Variants in SHOC2 observed in about 807,000 individuals in gnomAD.
The protein encoded by SHOC2 is leucine-rich repeat protein SHOC-2.
SHOC2 carries 4 observed loss-of-function variants against 50.2 expected under a neutral mutation model. The observed-to-expected ratio is 0.08, with a 90% CI of 0.04 to 0.18. SHOC2 has a LOEUF of 0.18. Ranked by LOEUF, SHOC2 falls within the 10% of genes least tolerant of loss-of-function variation. SHOC2 has a pLI of 1.00. For synonymous variants in SHOC2, 218 were observed against 244.5 expected, an observed-to-expected ratio of 0.89 and a Z score of 1.01; for missense variants, 388 against 669.6, an observed-to-expected ratio of 0.58 and a Z score of 4.64.
intron 1 of SHOC2, among the ~76,000 whole-genome samples, chr10:110,925,286 C>CA (rs1290283062): frequency 6.6e-6 from 1 of 151,904 alleles, no homozygotes; most frequent in Non-Finnish European, 1.5e-5. Flanking sequence ...TTAGGTAAGT[C>CA]AGACTGTATG....
chr10:110,933,583 A>T (rs1846937281), intron 1 of SHOC2, among the ~76,000 whole-genome samples: 1 of 152,216 alleles, frequency 6.6e-6, no homozygotes, highest in African/African-American at 2.4e-5. Context: ...GAGGTGGTTG[A>T]ATTGTAGAAC....
intron 2 of SHOC2, among the ~76,000 whole-genome samples, chr10:110,980,221 G>GTCTC (rs1564720373): frequency 6.7e-6 from 1 of 148,998 alleles, no homozygotes; most frequent in Non-Finnish European, 1.5e-5. Flanking sequence ...CAGTGGCGCA[G>GTCTC]TCTCTGCTCA....
At chr10:110,937,157 T>A in intron 1 of SHOC2, 11 of 1,538,794 alleles carry the variant, frequency 7.1e-6, no homozygotes, top group Non-Finnish European at 9.0e-6. Context: ...CAGCAGTACC[T>A]GTTTAGCCAC....
At chr10:110,926,341 C>G (rs539533014) in intron 1 of SHOC2, among the ~76,000 whole-genome samples, 3 of 152,266 alleles carry the variant, frequency 2.0e-5, no homozygotes, top group East Asian at 1.9e-4. Flanking sequence ...TAGTCTACAG[C>G]TCCAAAACAA....
chr10:111,003,544 T>C (rs1420352244), intron 4 of SHOC2, among the ~76,000 whole-genome samples: 1 of 152,148 alleles, frequency 6.6e-6, no homozygotes, highest in Non-Finnish European at 1.5e-5. Context: ...CTATGGCCCA[T>C]AAAATATTAT....
At position 110,985,698 on chromosome 10, in the gene SHOC2, A is replaced by G. The variant is rs753237615; in HGVS notation, c.774A>G (p.Gly258=). The change falls in exon 3 of 9, where the codon GGA becomes GGG. Residue 258 remains glycine, a synonymous_variant. Coordinates refer to ENST00000369452, the MANE Select transcript of SHOC2 (RefSeq NM_007373.4). ...NQLEHLPKEI[G]NCTQITNLDL... ...TTGAACACCTTCCAAAGGAGATTGG[A>G]AACTGTACACAGATAACCAACCTTG... The G allele has an allele frequency of 1.9e-6, 3 of 1,612,912 alleles. No homozygotes were observed. The highest frequency in any genetic ancestry group is 1.7e-4 in the Middle Eastern group (1 of 6,056).
At chr10:110,926,290 A>G (rs1846771491) in intron 1 of SHOC2, among the ~76,000 whole-genome samples, 1 of 152,222 alleles carries the variant, frequency 6.6e-6, no homozygotes, top group Non-Finnish European at 1.5e-5. Flanking sequence ...TACAATGTCT[A>G]GACTTTGTAG....
At chr10:110,960,702 ATC>A (rs1297502474) in intron 1 of SHOC2, among the ~76,000 whole-genome samples, 7 of 152,042 alleles carry the variant, frequency 4.6e-5, no homozygotes, top group Admixed American at 2.0e-4. Context: ...TTTTTGAGGA[ATC>A]TCTCTCTGTC....
At chr10:110,942,490 G>A in intron 1 of SHOC2, among the ~76,000 whole-genome samples, 1 of 152,132 alleles carries the variant, frequency 6.6e-6, no homozygotes, top group East Asian at 1.9e-4. Flanking sequence ...TAGGATTATA[G>A]GCATGAGCCA....
At chr10:110,982,744 A>T (rs1848006553) in intron 2 of SHOC2, among the ~76,000 whole-genome samples, 1 of 152,026 alleles carries the variant, frequency 6.6e-6, no homozygotes, top group South Asian at 2.1e-4. Context: ...TTTGTTGAGA[A>T]TTTTTGTGTC....
intron 2 of SHOC2, among the ~76,000 whole-genome samples, chr10:110,982,638 G>A (rs1298984909): frequency 1.3e-5 from 2 of 151,486 alleles, no homozygotes; most frequent in Non-Finnish European, 2.9e-5. Context: ...GTGTTTTTTG[G>A]CTGCATAAAT....
At chr10:110,949,032 C>A (rs1259803124) in intron 1 of SHOC2, among the ~76,000 whole-genome samples, 1 of 151,752 alleles carries the variant, frequency 6.6e-6, no homozygotes, top group Non-Finnish European at 1.5e-5. Flanking sequence ...CCCAAAGAAG[C>A]CAAAAGATTG....
At chr10:110,984,909 C>CT (rs1848049447) in intron 2 of SHOC2, among the ~76,000 whole-genome samples, 1 of 152,246 alleles carries the variant, frequency 6.6e-6, no homozygotes, top group African/African-American at 2.4e-5. Context: ...TCACAATCAA[C>CT]TTGAACACCT....
chr10:110,968,973 TTAATG>T (rs541798810), intron 2 of SHOC2, among the ~76,000 whole-genome samples: 16 of 152,186 alleles, frequency 1.1e-4, no homozygotes, highest in Non-Finnish European at 2.2e-4. Context: ...GACATTTTTA[TTAATG>T]TAATGTGATT....
At chr10:110,934,144 C>T (rs1311891149) in intron 1 of SHOC2, among the ~76,000 whole-genome samples, 1 of 152,136 alleles carries the variant, frequency 6.6e-6, no homozygotes, top group African/African-American at 2.4e-5. Context: ...TGGAAGAAGG[C>T]AGTTTGGAAC....
At chr10:110,990,504 C>G (rs1848162749) in intron 3 of SHOC2, among the ~76,000 whole-genome samples, 1 of 147,260 alleles carries the variant, frequency 6.8e-6, no homozygotes, top group Non-Finnish European at 1.5e-5. Context: ...TGTCGAAACT[C>G]TGTATCTAAC....
At chr10:110,981,771 C>G (rs984761556) in intron 2 of SHOC2, among the ~76,000 whole-genome samples, 2 of 151,884 alleles carry the variant, frequency 1.3e-5, no homozygotes, top group African/African-American at 4.8e-5. Context: ...ACCCACCTTG[C>G]ATATCTGGAA....
intron 1 of SHOC2, among the ~76,000 whole-genome samples, chr10:110,963,608 A>G (rs1847615102): frequency 6.6e-6 from 1 of 152,168 alleles, no homozygotes; most frequent in South Asian, 2.1e-4. Context: ...GAACTGTTTT[A>G]GTGTAGTGGG....
rs1302137196 is a variant in SHOC2, at chr10:111,012,419, G to A, written c.*601G>A. 2.0e-5 allele frequency: 3 copies of A among 152,004 alleles called. No individual in the cohort carries two copies. Among genetic ancestry groups the A allele is most frequent in the African/African-American group, 7.3e-5 (3 of 41,374 alleles). The allele number at this position is 152,004 out of a possible 1,614,324, so 9.4% of individuals were successfully genotyped here. On this transcript the variant is annotated 3_prime_UTR_variant, in exon 9 of 9. Coordinates refer to ENST00000369452, the MANE Select transcript of SHOC2 (RefSeq NM_007373.4). ...GCATCCACTGGTGTAAACAGTGAAA[G>A]GTATTTGCTTGTTGAAAAAAAAAAC...
Sources: gnomAD v4.1 joint callset for allele counts (sites outside exome capture counted in the v4.1 genomes callset) on GRCh38, gnomAD v4.1.1 for gene constraint, MANE v1.5 for transcripts, NCBI Gene and HGNC (gene_info 2026-07-23, HGNC 2026-07-21) for gene names.